The following EDIL3 variants were observed in gnomAD, a reference collection of about 807,000 sequenced individuals.
The protein encoded by EDIL3 is EGF-like repeat and discoidin I-like domain-containing protein 3.
In EDIL3, 37 loss-of-function variants were observed where a neutral mutation model predicts 67.4. The ratio of observed to expected loss-of-function variants is 0.55; its 90% CI spans 0.42 to 0.72. EDIL3 has a LOEUF of 0.72. EDIL3 is among the 30% of genes least tolerant of loss of function. EDIL3 has a pLI of 0.00. For synonymous variants in EDIL3, 195 were observed against 196.3 expected, an observed-to-expected ratio of 0.99 and a Z score of 0.05; for missense variants, 527 against 586.3, an observed-to-expected ratio of 0.90 and a Z score of 1.04.
chr5:84,152,655 T>C (rs1024174072), intron 4 of EDIL3, among the ~76,000 whole-genome samples: 1 of 152,182 alleles, frequency 6.6e-6, no homozygotes, highest in Admixed American at 6.5e-5. Flanking sequence ...GTATAAAGAT[T>C]TGAGTTTATG....
At chr5:84,162,751 T>C (rs1748636586) in intron 4 of EDIL3, among the ~76,000 whole-genome samples, 1 of 152,050 alleles carries the variant, frequency 6.6e-6, no homozygotes, top group South Asian at 2.1e-4. Context: ...AATCCACACA[T>C]ATTCTTTCCC....
intron 2 of EDIL3, among the ~76,000 whole-genome samples, chr5:84,246,771 G>T (rs1295746415): frequency 6.6e-6 from 1 of 151,436 alleles, no homozygotes; most frequent in Admixed American, 6.6e-5. Context: ...ACATATAATT[G>T]TCACAGCTTG....
chr5:84,038,925 C>A (rs1746070916), intron 9 of EDIL3, among the ~76,000 whole-genome samples: 1 of 152,178 alleles, frequency 6.6e-6, no homozygotes, highest in South Asian at 2.1e-4. Context: ...TAACATCCTT[C>A]CAGGCACATG....
intron 1 of EDIL3, among the ~76,000 whole-genome samples, chr5:84,319,813 A>G (rs1227258810): frequency 6.6e-6 from 1 of 152,202 alleles, no homozygotes; most frequent in East Asian, 1.9e-4. Flanking sequence ...ACAGAATACT[A>G]TGCAGCCATA....
At chr5:84,306,306 T>C (rs1272330301) in intron 1 of EDIL3, among the ~76,000 whole-genome samples, 1 of 152,216 alleles carries the variant, frequency 6.6e-6, no homozygotes, top group Non-Finnish European at 1.5e-5. Context: ...TTGGTGTGTA[T>C]TCCTTTAAAG....
chr5:84,102,146 C>G (rs1175133261), intron 6 of EDIL3, among the ~76,000 whole-genome samples: 2 of 152,002 alleles, frequency 1.3e-5, no homozygotes, highest in African/African-American at 4.8e-5. Flanking sequence ...TCTCAATAAA[C>G]TTGGTACTGA....
rs889485781 is a variant in EDIL3 at position 84,222,516 on chromosome 5, T to C, written c.226+7339A>G. Among the ~76,000 whole-genome samples the C allele has an allele frequency of 2.0e-5, 3 of 152,014 alleles. No individual in the cohort carries two copies. The South Asian group carries it at 6.2e-4, about 32-fold the overall frequency. On this transcript the variant is annotated intron_variant, in intron 3 of 10. Coordinates refer to ENST00000296591, the MANE Select transcript of EDIL3 (RefSeq NM_005711.5). Reference sequence around the variant, plus strand: ...TATAAGCTATATGTCCAGTGACCTCTATCATCACTACCAGTTGGAATCAAC... The same window carrying C: ...TATAAGCTATATGTCCAGTGACCTCCATCATCACTACCAGTTGGAATCAAC...
chr5:84,094,305 A>G (rs1747221517), intron 6 of EDIL3, among the ~76,000 whole-genome samples: 1 of 152,202 alleles, frequency 6.6e-6, no homozygotes, highest in Non-Finnish European at 1.5e-5. Context: ...AAAAAATATC[A>G]TTAGAAAAAG....
intron 1 of EDIL3, among the ~76,000 whole-genome samples, chr5:84,324,525 C>A (rs1248396939): frequency 6.6e-6 from 1 of 151,358 alleles, no homozygotes; most frequent in Non-Finnish European, 1.5e-5. Flanking sequence ...GAAGATCAAA[C>A]TAAACCCAAA....
chr5:84,059,097 T>C (rs1207921778), intron 9 of EDIL3, among the ~76,000 whole-genome samples: 1 of 151,840 alleles, frequency 6.6e-6, no homozygotes, highest in African/African-American at 2.4e-5. Context: ...TAAGGCCAAC[T>C]GAAGAAAAAA....
intron 1 of EDIL3, among the ~76,000 whole-genome samples, chr5:84,324,439 C>T (rs146207358): frequency 2.0e-5 from 3 of 151,808 alleles, no homozygotes; most frequent in African/African-American, 4.8e-5. Context: ...TAAATACATA[C>T]TTTCAAATGC....
intron 5 of EDIL3, among the ~76,000 whole-genome samples, chr5:84,136,341 A>C (rs1748091315): frequency 6.6e-6 from 1 of 152,204 alleles, no homozygotes; most frequent in South Asian, 2.1e-4. Flanking sequence ...ACATCGAAGC[A>C]GTAGCAGTAT....
At chr5:84,331,749 A>G (rs1746875968) in intron 1 of EDIL3, among the ~76,000 whole-genome samples, 1 of 152,156 alleles carries the variant, frequency 6.6e-6, no homozygotes, top group Non-Finnish European at 1.5e-5. Context: ...TCTGTATACT[A>G]TTTTTAAATT....
intron 1 of EDIL3, among the ~76,000 whole-genome samples, chr5:84,308,657 C>G (rs1424717666): frequency 6.6e-6 from 1 of 151,964 alleles, no homozygotes; most frequent in Non-Finnish European, 1.5e-5. Flanking sequence ...ATAAAACAGA[C>G]AGTAAATTAT....
chr5:84,203,674 G>A (rs1217868437), intron 3 of EDIL3, among the ~76,000 whole-genome samples: 2 of 152,100 alleles, frequency 1.3e-5, no homozygotes, highest in Non-Finnish European at 2.9e-5. Context: ...TAATATAATG[G>A]AAGCACTGTA....
intron 5 of EDIL3, among the ~76,000 whole-genome samples, chr5:84,110,731 T>C (rs1374815236): frequency 1.3e-5 from 2 of 152,316 alleles, no homozygotes; most frequent in Non-Finnish European, 2.9e-5. Context: ...CAGTAATTCT[T>C]CAAAATTTGA....
intron 10 of EDIL3, among the ~76,000 whole-genome samples, chr5:83,950,811 G>C (rs774004107): frequency 1.3e-5 from 2 of 151,708 alleles, no homozygotes; most frequent in Non-Finnish European, 2.9e-5. Flanking sequence ...TTCCATAAAA[G>C]CTTATAGGTC....
At chr5:84,081,870 G>A (rs371663216) in intron 6 of EDIL3, among the ~76,000 whole-genome samples, 4 of 151,980 alleles carry the variant, frequency 2.6e-5, no homozygotes, top group Non-Finnish European at 5.9e-5. Context: ...ACCCAGGCAT[G>A]ATGGACAAGA....
intron 5 of EDIL3, among the ~76,000 whole-genome samples, chr5:84,135,381 T>C (rs564096183): frequency 6.6e-6 from 1 of 152,332 alleles, no homozygotes; most frequent in Non-Finnish European, 1.5e-5. Flanking sequence ...ATGCCGAAGT[T>C]CCTTCCTGGA....
Sources: allele counts gnomAD v4.1 joint callset (sites outside exome capture counted in the v4.1 genomes callset), GRCh38; gene constraint gnomAD v4.1.1; transcripts MANE v1.5; gene names NCBI Gene and HGNC (gene_info 2026-07-23, HGNC 2026-07-21).